The following PRPF8 variants were observed in gnomAD, a reference collection of about 807,000 sequenced individuals.
The protein encoded by PRPF8 is pre-mRNA-processing-splicing factor 8.
Under a neutral mutation model 285.9 loss-of-function variants are expected in PRPF8, and 64 were observed. The observed-to-expected ratio is 0.22, with a 90% CI of 0.18 to 0.28. The LOEUF is 0.28. PRPF8 is among the 10% of genes least tolerant of loss of function. The pLI is 1.00. For synonymous variants in PRPF8, 1,325 were observed against 1,118.2 expected (o/e 1.18, Z -3.69); for missense variants, 1,426 against 3,026.7 (o/e 0.47, Z 12.41).
At chr17:1,678,990 G>A (rs750255423) in intron 11 of PRPF8, 27 bp downstream of exon 11, 1 of 1,613,852 alleles carries the variant, frequency 6.2e-7, no homozygotes, top group Non-Finnish European at 8.5e-7. Context: ...TGAAGCCCAG[G>A]AGGCCCCTAG....
intron 1 of PRPF8, 41 bp from the exon 2 acceptor site, chr17:1,684,623 C>T (rs761158613): frequency 1.3e-6 from 2 of 1,589,606 alleles, no homozygotes; most frequent in South Asian, 1.1e-5. Context: ...AACCACAGGC[C>T]CGGGCCCACA....
intron 13 of PRPF8, 132 bp downstream of exon 13, chr17:1,678,386 G>A (rs1912727065): frequency 8.5e-7 from 1 of 1,182,264 alleles, no homozygotes; most frequent in Admixed American, 1.8e-5. Context: ...GGGAGGCTGA[G>A]GCAGGAGAAT....
rs529738609 is a variant in PRPF8, at chr17:1,658,901, A to G, written c.5139-138T>C. ...CTGCTCATGTGTACATACAGGCTGG[A>G]GAAGAGAATCAGTGACCCATAGGAG... On this transcript the variant is annotated intron_variant, in intron 32 of 42. Coordinates refer to ENST00000304992, the MANE Select transcript of PRPF8 (RefSeq NM_006445.4). The surrounding 1 kb of genome is among the most constrained non-coding windows in gnomAD (Gnocchi z 4.1). 7.5e-6 allele frequency: 6 copies of G among 799,754 alleles called. No individual in the cohort carries two copies. The Admixed American group carries it at 1.2e-4, about 16-fold the overall frequency. The allele number at this position is 799,754 out of a possible 1,614,324, so 49.5% of individuals were successfully genotyped here.
rs1912172351 is a variant in PRPF8 at position 1,669,252 on chromosome 17, AC to A, written c.3774+3828del. On this transcript the variant is annotated intron_variant, in intron 24 of 42. Transcript: ENST00000304992. ...CTCCCGAGTAGCTGAGATTACAGGCACCCGCCACCGCGCCTGGCTAATTTTT... is the reference window on the plus strand; with the variant it reads ...CTCCCGAGTAGCTGAGATTACAGGCACCGCCACCGCGCCTGGCTAATTTTT... Among the ~76,000 whole-genome samples the A allele has an allele frequency of 5.9e-5, 9 of 152,130 alleles. No individual in the cohort carries two copies. In the South Asian group the frequency reaches 1.9e-3, roughly 32 times the overall value.
chr17:1,658,469 T>C lies in PRPF8; in HGVS notation c.5376+57A>G. ...CAGCATGTGTACACACTTAGCCCAT[T>C]ACTCTCCCACAGCCATGTACAGAGT... On this transcript the variant is annotated intron_variant, in intron 33 of 42. Coordinates refer to ENST00000304992, the MANE Select transcript of PRPF8 (RefSeq NM_006445.4). This position sits in a 1 kb window ranked among gnomAD's most constrained non-coding sequence, Gnocchi z 4.1. The C allele has an allele frequency of 6.2e-7, 1 of 1,613,616 alleles. No homozygotes were observed. The highest frequency in any genetic ancestry group is 8.5e-7 in the Non-Finnish European group (1 of 1,179,518).
Position 1,681,694 on chromosome 17 carries a change from G to A in PRPF8, c.654-4C>T. On this transcript the variant is annotated splice_region_variant and splice_polypyrimidine_tract_variant and intron_variant, in intron 5 of 42. Coordinates refer to ENST00000304992, the MANE Select transcript of PRPF8 (RefSeq NM_006445.4). ...GTAAGTGGAGCCATTTACATACCTAGGTAAAAAATGAAAGGCCCACCTCAA... is the reference window on the plus strand; with the variant it reads ...GTAAGTGGAGCCATTTACATACCTAAGTAAAAAATGAAAGGCCCACCTCAA... 2 of 1,613,900 alleles carry A rather than the reference G, an allele frequency of 1.2e-6. No homozygotes were observed. The highest frequency in any genetic ancestry group is 1.7e-6 in the Non-Finnish European group (2 of 1,179,866).
intron 24 of PRPF8, among the ~76,000 whole-genome samples, chr17:1,670,539 T>G (rs372219197): frequency 6.6e-6 from 1 of 152,168 alleles, no homozygotes; most frequent in South Asian, 2.1e-4. Context: ...CAGGCTGGAG[T>G]GCACTGGTGG....
intron 24 of PRPF8, among the ~76,000 whole-genome samples, chr17:1,664,370 T>TAGAA (rs1911839924): frequency 2.0e-5 from 3 of 152,212 alleles, no homozygotes. Flanking sequence ...ACTAAGGATA[T>TAGAA]AGAAGACTTA....
In PRPF8 at chr17:1,678,783, C is replaced by T. The variant is rs764769128; in HGVS notation, c.1698G>A (p.Leu566=). ...LVVDSHVQYR[L]GNVDAFQLAD... ...TTACCTGGAAGGCATCCACATTGCCCAGCCGATACTGCACGTGACTATCCA... is the reference window on the plus strand; with the variant it reads ...TTACCTGGAAGGCATCCACATTGCCTAGCCGATACTGCACGTGACTATCCA... The change falls in exon 12 of 43, where the codon CTG becomes CTA. Residue 566 remains leucine (L), a synonymous_variant. Coordinates refer to ENST00000304992, the MANE Select transcript of PRPF8 (RefSeq NM_006445.4). 5 of 1,614,082 alleles carry T rather than the reference C, an allele frequency of 3.1e-6. No individual in the cohort carries two copies. In the Admixed American group the frequency reaches 6.7e-5, roughly 22 times the overall value.
chr17:1,675,199 T>C lies in PRPF8; in HGVS notation c.3013A>G (p.Ile1005Val). 6.2e-7 allele frequency: 1 copy of C among 1,614,170 alleles called. No individual in the cohort carries two copies. The highest frequency in any genetic ancestry group is 8.5e-7 in the Non-Finnish European group (1 of 1,180,034). Residue 1005 changes from isoleucine to valine, a missense_variant, in exon 20 of 43, where the codon ATA becomes GTA. Around this residue, in one of 34 missense-constraint regions of PRPF8, gnomAD observed 32 missense variants for 89.2 expected, o/e 0.36. Coordinates refer to ENST00000304992, the MANE Select transcript of PRPF8 (RefSeq NM_006445.4). This position sits in a 1 kb window ranked among gnomAD's most constrained non-coding sequence, Gnocchi z 6.0. ...TTCTTGGCTGTCATGTAGTCGGCTA[T>C]GTTGTGGTCCACGATGAGGCGCAGC... ...RLLRLIVDHNIADYMTAKNNV... is the reference protein window; with the variant it reads ...RLLRLIVDHNVADYMTAKNNV...
intron 39 of PRPF8, among the ~76,000 whole-genome samples, chr17:1,652,315 T>C (rs1365958436): frequency 6.6e-6 from 1 of 152,196 alleles, no homozygotes; most frequent in Non-Finnish European, 1.5e-5. Context: ...CTCAGCTCAC[T>C]GCGACCTCCG....
intron 13 of PRPF8, among the ~76,000 whole-genome samples, chr17:1,678,134 G>A (rs1912707984): frequency 6.6e-6 from 1 of 152,150 alleles, no homozygotes; most frequent in African/African-American, 2.4e-5. Flanking sequence ...GGCCAATACA[G>A]TGAAACCCCA....
At chr17:1,677,767 G>A (rs1293739256) in intron 13 of PRPF8, 73 bp from the exon 14 acceptor site, 1 of 1,590,766 alleles carries the variant, frequency 6.3e-7, no homozygotes. Context: ...CTGGGCAGAG[G>A]TGGGGCATAT....
chr17:1,651,180 T>A lies in PRPF8; in HGVS notation c.6781A>T (p.Met2261Leu). Residue 2261 changes from methionine (M) to leucine (L), a missense_variant, in exon 42 of 43, where the codon ATG becomes TTG. Transcript: ENST00000304992. The surrounding 1 kb of genome is among the most constrained non-coding windows in gnomAD (Gnocchi z 5.1). The part of the protein sequence containing the change: ...YLPSHYERVQ[M>L]LLSDRFLGFF... ...CCAAGGAAACGGTCCGACAGCAGCA[T>A]CTGCACCCTCTCATAGTGTGAAGGC... is the stretch of plus-strand genomic sequence containing the variant. The A allele has an allele frequency of 6.2e-7, 1 of 1,614,204 alleles. No homozygotes were observed. Among genetic ancestry groups the A allele is most frequent in the Non-Finnish European group, 8.5e-7 (1 of 1,180,034 alleles).
chr17:1,665,611 A>G (rs953611265), intron 24 of PRPF8, among the ~76,000 whole-genome samples: 12 of 152,044 alleles, frequency 7.9e-5, no homozygotes, highest in Admixed American at 6.6e-5. Context: ...TGGGAGGACG[A>G]GGCAGGTGGA....
chr17:1,672,821 A>G (rs1204249893), intron 24 of PRPF8: 2 of 578,526 alleles, frequency 3.5e-6, no homozygotes, highest in African/African-American at 3.7e-5. Flanking sequence ...AAAATAATAA[A>G]TCCAACTTTT....
Position 1,682,220 on chromosome 17 carries a change from C to G in PRPF8, c.343G>C (p.Asp115His). Residue 115 changes from aspartate (D) to histidine (H), a missense_variant, in exon 4 of 43, where the codon GAT becomes CAT. Physicochemically the swap from Asp to His is moderately conservative, Grantham distance 81 (BLOSUM62 -1). Coordinates refer to ENST00000304992, the MANE Select transcript of PRPF8 (RefSeq NM_006445.4). ...GTGATGTGGTACAGCACAGGCACAT[C>G]CCGAATCTGCTCCCAAGGCATAGGC... Reference protein sequence around the residue: ...NMPMPWEQIRDVPVLYHITGA... With the variant: ...NMPMPWEQIRHVPVLYHITGA... 6.2e-7 allele frequency: 1 copy of G among 1,614,154 alleles called. No homozygotes were observed. The highest frequency in any genetic ancestry group is 8.5e-7 in the Non-Finnish European group (1 of 1,180,034).
Position 1,681,824 on chromosome 17 carries a change from T to G in PRPF8, c.649A>C (p.Arg217=). 6.2e-7 allele frequency: 1 copy of G among 1,614,002 alleles called. No individual in the cohort carries two copies. Among genetic ancestry groups the G allele is most frequent in the Non-Finnish European group, 8.5e-7 (1 of 1,179,978 alleles). Residue 217 remains arginine (R), a synonymous_variant, in exon 5 of 43, where the codon AGG becomes CGG. Coordinates refer to ENST00000304992, the MANE Select transcript of PRPF8 (RefSeq NM_006445.4). The part of the protein sequence containing the change: ...FYDHQPLRDS[R]KYVNGSTYQR... ...GTATCTCCATCTATCACTCACTTCCTGCTGTCCCTCAACGGCTGGTGGTCA... is the reference window on the plus strand; with the variant it reads ...GTATCTCCATCTATCACTCACTTCCGGCTGTCCCTCAACGGCTGGTGGTCA...
rs767025805 is a variant in PRPF8, at chr17:1,661,956, T to A, written c.3972A>T (p.Gly1324=). 1 of 1,613,972 alleles carries A rather than the reference T, an allele frequency of 6.2e-7. No homozygotes were observed. Among genetic ancestry groups the A allele is most frequent in the Non-Finnish European group, 8.5e-7 (1 of 1,179,988 alleles). ...VVFYTPKELG[G]LGMLSMGHVL... is the part of the protein sequence containing the mutation. The stretch of plus-strand genomic sequence containing the variant: ...CATGGCCCATTGAGAGCATGCCGAG[T>A]CCACCCAACTCCTTAGGGGTGTAGA... Residue 1324 remains glycine (G), a synonymous_variant, in exon 25 of 43, where the codon GGA becomes GGT. Transcript: ENST00000304992. This position sits in a 1 kb window ranked among gnomAD's most constrained non-coding sequence, Gnocchi z 7.3.
Sources: gnomAD v4.1 joint callset for allele counts (sites outside exome capture counted in the v4.1 genomes callset) on GRCh38, gnomAD v4.1.1 for gene constraint, gnomAD v4.1.1 regional missense constraint, Gnocchi (gnomAD v3.1) non-coding constraint, MANE v1.5 for transcripts, NCBI Gene and HGNC (gene_info 2026-07-23, HGNC 2026-07-21) for gene names.